ATP6V1H: variants seen among roughly 807,000 people sequenced by gnomAD.
ATP6V1H encodes the protein V-type proton ATPase subunit H.
ATP6V1H carries 39 observed loss-of-function variants against 71.7 expected under a neutral mutation model. The observed-to-expected ratio is 0.54, with a 90% confidence interval of 0.42 to 0.71. The LOEUF is 0.71. Ranked by LOEUF, ATP6V1H falls within the 30% of genes least tolerant of loss-of-function variation. The pLI, the probability that ATP6V1H is intolerant of heterozygous loss-of-function variation, is 0.00. For missense variants in ATP6V1H, 509 were observed against 594.9 expected (o/e 0.86, Z 1.50); for synonymous variants, 192 against 199.3 (o/e 0.96, Z 0.31).
chr8:53,721,261 GT>G (rs1247310682), intron 13 of ATP6V1H, among the ~76,000 whole-genome samples: 2 of 151,788 alleles, frequency 1.3e-5, no homozygotes, highest in Non-Finnish European at 2.9e-5. Flanking sequence ...AGCAAACTTT[GT>G]TTTTATGAAC....
At chr8:53,760,078 G>A (rs1585755228) in intron 11 of ATP6V1H, among the ~76,000 whole-genome samples, 1 of 152,158 alleles carries the variant, frequency 6.6e-6, no homozygotes, top group Non-Finnish European at 1.5e-5. Flanking sequence ...GGGTTGTTAA[G>A]CTGCCACTCT....
intron 12 of ATP6V1H, among the ~76,000 whole-genome samples, chr8:53,753,488 G>A (rs553515618): frequency 6.6e-6 from 1 of 152,312 alleles, no homozygotes; most frequent in Admixed American, 6.5e-5. Flanking sequence ...TTCTGCCTTG[G>A]CAGCAGGTCA....
At chr8:53,784,909 T>C (rs1245452220) in intron 9 of ATP6V1H, among the ~76,000 whole-genome samples, 1 of 152,236 alleles carries the variant, frequency 6.6e-6, no homozygotes, top group Non-Finnish European at 1.5e-5. Context: ...AGAGATCCAC[T>C]GTTAGTCTGA....
At chr8:53,777,016 CA>C (rs200231877) in intron 9 of ATP6V1H, among the ~76,000 whole-genome samples, 170 of 152,110 alleles carry the variant, frequency 1.1e-3, no homozygotes, top group African/African-American at 3.7e-3. Flanking sequence ...GAGACAGATA[CA>C]AAAAAATACT....
chr8:53,825,233 C>T (rs1810788604), intron 4 of ATP6V1H, among the ~76,000 whole-genome samples: 1 of 152,060 alleles, frequency 6.6e-6, no homozygotes, highest in Admixed American at 6.6e-5. Context: ...GACAGGGTCT[C>T]ACTATGTTGC....
chr8:53,763,401 T>C (rs1488224840), intron 11 of ATP6V1H, among the ~76,000 whole-genome samples: 1 of 152,174 alleles, frequency 6.6e-6, no homozygotes, highest in African/African-American at 2.4e-5. Context: ...AAAACTTATT[T>C]TCTGAAATCT....
rs370765410 is a variant in ATP6V1H, at chr8:53,761,911, G to A, written c.1176-5255C>T. ...AACAAAAACAATAAAATATTGAAGC[G>A]GAAAGTCAGAAGAACAAATGTTAAA... On this transcript the variant is annotated intron_variant, in intron 11 of 13. Coordinates refer to ENST00000359530, the MANE Select transcript of ATP6V1H (RefSeq NM_015941.4). Among the ~76,000 whole-genome samples, 18 of 152,180 alleles carry A rather than the reference G, an allele frequency of 1.2e-4. No individual in the cohort carries two copies. The East Asian group carries it at 1.7e-3, about 15-fold the overall frequency.
At chr8:53,773,069 C>G (rs1808733266) in intron 9 of ATP6V1H, among the ~76,000 whole-genome samples, 1 of 152,020 alleles carries the variant, frequency 6.6e-6, no homozygotes. Context: ...CAATGCCCAC[C>G]AATCTTCCCT....
chr8:53,830,674 C>T lies in ATP6V1H; in HGVS notation c.217-1141G>A, dbSNP rs139543012. ...ACTGCCCCATAAAAGGCCCATCACA[C>T]CAGACACTGCTATTAAGAAAGAACT... On this transcript the variant is annotated intron_variant, in intron 3 of 13. Transcript: ENST00000359530. Among the ~76,000 whole-genome samples the T allele has an allele frequency of 7.8e-3, 1,193 of 152,154 alleles. 4 individuals are homozygous for T. The highest frequency in any genetic ancestry group is 0.015 in the South Asian group (74 of 4,820).
chr8:53,774,702 G>GA lies in ATP6V1H; in HGVS notation c.871-2536dup, dbSNP rs976230753. Among the ~76,000 whole-genome samples, 319 of 146,756 alleles carry GA rather than the reference G, an allele frequency of 2.2e-3. 1 individual carries two copies. Among genetic ancestry groups the GA allele is most frequent in the Middle Eastern group, 3.5e-3 (1 of 286 alleles). On this transcript the variant is annotated intron_variant, in intron 9 of 13. Transcript: ENST00000359530. ...AGAAACTAGAATGGAGTCTAGATAT[G>GA]AAAAAAAAAAGGAATGGCACTAGAA...
At chr8:53,716,544 C>T (rs529668882) in intron 13 of ATP6V1H, among the ~76,000 whole-genome samples, 1 of 152,284 alleles carries the variant, frequency 6.6e-6, no homozygotes, top group East Asian at 1.9e-4. Context: ...TGGGAGTCCC[C>T]ACACCATCAG....
intron 13 of ATP6V1H, among the ~76,000 whole-genome samples, chr8:53,731,842 T>C (rs553928575): frequency 6.6e-6 from 1 of 152,368 alleles, no homozygotes; most frequent in African/African-American, 2.4e-5. Context: ...TGGGGGGGAC[T>C]CCAGCCAGCT....
At chr8:53,805,712 G>A (rs887061898) in intron 7 of ATP6V1H, among the ~76,000 whole-genome samples, 2 of 152,104 alleles carry the variant, frequency 1.3e-5, no homozygotes, top group Non-Finnish European at 2.9e-5. Context: ...AATGTTCACA[G>A]CAAAATTATT....
chr8:53,773,865 C>T lies in ATP6V1H; in HGVS notation c.871-1698G>A, dbSNP rs996821571. ...AACAGAAATCCTAGAAGTAAAACTA[C>T]AATTTCTGAAATAAAAAAATATCAG... On this transcript the variant is annotated intron_variant, in intron 9 of 13. Coordinates refer to ENST00000359530, the MANE Select transcript of ATP6V1H (RefSeq NM_015941.4). 5.3e-5 allele frequency among the ~76,000 whole-genome samples: 8 copies of T among 152,128 alleles called. No homozygotes were observed. In the East Asian group the frequency reaches 1.2e-3, roughly 22 times the overall value.
chr8:53,808,864 C>A (rs2130456923), intron 7 of ATP6V1H, among the ~76,000 whole-genome samples: 1 of 151,840 alleles, frequency 6.6e-6, no homozygotes, highest in South Asian at 2.1e-4. Flanking sequence ...GCTTCTGAGG[C>A]CATTTTAAAA....
intron 13 of ATP6V1H, among the ~76,000 whole-genome samples, chr8:53,733,397 G>A (rs1399356349): frequency 6.6e-6 from 1 of 152,210 alleles, no homozygotes; most frequent in Admixed American, 6.5e-5. Flanking sequence ...ACCTGCAAAA[G>A]TTTCCCGCCA....
intron 12 of ATP6V1H, among the ~76,000 whole-genome samples, chr8:53,755,165 C>T (rs1017003572): frequency 2.6e-5 from 4 of 152,114 alleles, no homozygotes; most frequent in African/African-American, 7.2e-5. Flanking sequence ...TTGAGGAAAG[C>T]TCTAGAGGCA....
chr8:53,781,811 T>C (rs1264668873), intron 9 of ATP6V1H, among the ~76,000 whole-genome samples: 1 of 152,110 alleles, frequency 6.6e-6, no homozygotes, highest in Non-Finnish European at 1.5e-5. Context: ...CTTTCCCCAT[T>C]GCTTGTTTTT....
At chr8:53,791,395 A>C (rs2130398577) in intron 9 of ATP6V1H, among the ~76,000 whole-genome samples, 1 of 152,326 alleles carries the variant, frequency 6.6e-6, no homozygotes, top group South Asian at 2.1e-4. Flanking sequence ...TTCTATGCCC[A>C]GAGTGGTAGG....
Sources: gnomAD v4.1 joint callset for allele counts (sites outside exome capture counted in the v4.1 genomes callset) on GRCh38, gnomAD v4.1.1 for gene constraint, MANE v1.5 for transcripts, NCBI Gene and HGNC (gene_info 2026-07-23, HGNC 2026-07-21) for gene names.